The following CDH13 variants were observed in gnomAD, a reference collection of about 807,000 sequenced individuals.
The protein encoded by CDH13 is cadherin 13, also known as cadherin-13.
Under a neutral mutation model 63.8 loss-of-function variants are expected in CDH13, and 24 were observed. The observed-to-expected ratio is 0.38, with a 90% confidence interval of 0.27 to 0.53. CDH13 has a LOEUF of 0.53. Ranked by LOEUF, CDH13 falls within the 20% of genes least tolerant of loss-of-function variation. CDH13 has a pLI of 0.85. For synonymous variants in CDH13, 503 were observed against 355.3 expected, an observed-to-expected ratio of 1.42 and a Z score of -4.67; for missense variants, 1,049 against 903.1, an observed-to-expected ratio of 1.16 and a Z score of -2.07.
intron 7 of CDH13, among the ~76,000 whole-genome samples, chr16:83,552,658 C>G (rs929965121): frequency 1.3e-5 from 2 of 152,196 alleles, no homozygotes; most frequent in Non-Finnish European, 2.9e-5. Context: ...AGCTAGTTTG[C>G]TAGCCAGTTG....
At chr16:82,627,624 A>T in intron 1 of CDH13, among the ~76,000 whole-genome samples, 1 of 152,082 alleles carries the variant, frequency 6.6e-6, no homozygotes, top group East Asian at 2.0e-4. Flanking sequence ...AGCAGGCACC[A>T]CCGACTTCCC....
At chr16:83,281,488 A>G (rs917718542) in intron 5 of CDH13, among the ~76,000 whole-genome samples, 2 of 152,168 alleles carry the variant, frequency 1.3e-5, no homozygotes, top group South Asian at 2.1e-4. Flanking sequence ...CTTGCCATTC[A>G]TGTGTTTACT....
intron 1 of CDH13, among the ~76,000 whole-genome samples, chr16:82,648,227 G>A (rs1309726411): frequency 6.6e-6 from 1 of 152,170 alleles, no homozygotes; most frequent in Non-Finnish European, 1.5e-5. Context: ...CATGCACTTT[G>A]GGGAAGTAAT....
intron 1 of CDH13, among the ~76,000 whole-genome samples, chr16:82,761,735 TGAG>T (rs766786454): frequency 1.3e-5 from 2 of 152,208 alleles, no homozygotes; most frequent in Non-Finnish European, 2.9e-5. Context: ...TGCATTGTGA[TGAG>T]GAGAATTTGA....
At chr16:83,585,090 T>C (rs1223999319) in intron 7 of CDH13, among the ~76,000 whole-genome samples, 2 of 152,192 alleles carry the variant, frequency 1.3e-5, no homozygotes, top group East Asian at 3.9e-4. Context: ...TATCAGATGC[T>C]CCCGAGCCAT....
intron 5 of CDH13, among the ~76,000 whole-genome samples, chr16:83,271,212 C>G (rs947660972): frequency 7.3e-5 from 11 of 151,722 alleles, no homozygotes; most frequent in Admixed American, 7.2e-4. Flanking sequence ...AACAGTACAA[C>G]TGAATCACAT....
intron 1 of CDH13, among the ~76,000 whole-genome samples, chr16:82,659,774 G>T (rs1379878401): frequency 6.6e-6 from 1 of 152,142 alleles, no homozygotes; most frequent in Non-Finnish European, 1.5e-5. Context: ...CTCCACCATG[G>T]CATGGTGGCC....
intron 8 of CDH13, among the ~76,000 whole-genome samples, chr16:83,605,186 C>A (rs1228505769): frequency 6.6e-6 from 1 of 152,092 alleles, no homozygotes; most frequent in Non-Finnish European, 1.5e-5. Flanking sequence ...TTGAGATTCC[C>A]AAAAGGCAGA....
chr16:83,191,458 AAT>A (rs57044100), intron 4 of CDH13, among the ~76,000 whole-genome samples: 12,082 of 80,218 alleles, frequency 0.15, 1,017 homozygotes, highest in African/African-American at 0.31. Flanking sequence ...ACTAATAGGA[AAT>A]ATATATATAT....
At chr16:83,576,427 A>T (rs1446772109) in intron 7 of CDH13, among the ~76,000 whole-genome samples, 1 of 152,164 alleles carries the variant, frequency 6.6e-6, no homozygotes, top group Non-Finnish European at 1.5e-5. Flanking sequence ...GACATTTGGC[A>T]CTGTTTCTAC....
intron 6 of CDH13, among the ~76,000 whole-genome samples, chr16:83,439,562 G>A (rs1281168240): frequency 6.6e-6 from 1 of 152,214 alleles, no homozygotes; most frequent in Admixed American, 6.5e-5. Flanking sequence ...AGGTAGGACA[G>A]CCTAGGGTGA....
chr16:83,118,422 T>C (rs905665257), intron 3 of CDH13, among the ~76,000 whole-genome samples: 2 of 152,198 alleles, frequency 1.3e-5, no homozygotes, highest in Admixed American at 6.5e-5. Flanking sequence ...CGCATGTGCA[T>C]AAGTGTGTGC....
intron 7 of CDH13, among the ~76,000 whole-genome samples, chr16:83,559,629 AAAAG>A (rs1218699935): frequency 3.3e-5 from 5 of 151,984 alleles, no homozygotes; most frequent in East Asian, 1.9e-4. Context: ...AAGAGAAAGA[AAAAG>A]AGAGAGAGGG....
intron 7 of CDH13, among the ~76,000 whole-genome samples, chr16:83,498,842 G>C (rs755590813): frequency 3.3e-5 from 5 of 152,172 alleles, no homozygotes; most frequent in Admixed American, 6.5e-5. Flanking sequence ...CTTCAGTGCC[G>C]CATTATCATA....
At chr16:82,769,246 CAAAT>C (rs1364096254) in intron 1 of CDH13, among the ~76,000 whole-genome samples, 2 of 152,116 alleles carry the variant, frequency 1.3e-5, no homozygotes, top group Admixed American at 6.6e-5. Context: ...CGTGCTGCAA[CAAAT>C]AAATCATCAA....
intron 1 of CDH13, among the ~76,000 whole-genome samples, chr16:82,782,174 C>T (rs1474580997): frequency 1.3e-5 from 2 of 152,108 alleles, no homozygotes; most frequent in African/African-American, 2.4e-5. Flanking sequence ...TATTAGGGCA[C>T]CAGGCAGGAG....
At chr16:83,408,711 T>C in intron 6 of CDH13, among the ~76,000 whole-genome samples, 1 of 152,184 alleles carries the variant, frequency 6.6e-6, no homozygotes, top group East Asian at 1.9e-4. Flanking sequence ...AATGTAGTAG[T>C]TGTCATTTGA....
chr16:83,511,515 A>G (rs1337849162), intron 7 of CDH13, among the ~76,000 whole-genome samples: 1 of 152,072 alleles, frequency 6.6e-6, no homozygotes, highest in Non-Finnish European at 1.5e-5. Flanking sequence ...ACACACTCGC[A>G]CATACACCTA....
intron 11 of CDH13, among the ~76,000 whole-genome samples, chr16:83,779,047 A>C (rs150569906): frequency 3.3e-4 from 51 of 152,320 alleles, no homozygotes; most frequent in African/African-American, 1.2e-3. Context: ...TGTGAGAATG[A>C]CTTTTTAGTG....
Sources: gnomAD v4.1 joint callset for allele counts (sites outside exome capture counted in the v4.1 genomes callset) on GRCh38, gnomAD v4.1.1 for gene constraint, MANE v1.5 for transcripts, NCBI Gene and HGNC (gene_info 2026-07-23, HGNC 2026-07-21) for gene names.